Variants in KLF8 observed in about 807,000 individuals in gnomAD.
KLF8 encodes Krueppel-like factor 8.
In KLF8, 10 loss-of-function variants were observed where a neutral mutation model predicts 18.2. The observed-to-expected ratio is 0.55, with a 90% CI of 0.34 to 0.93. The LOEUF is 0.93. Among genes scored for constraint, KLF8 ranks in the 40% least tolerant of loss-of-function variants. KLF8 has a pLI of 0.02. For missense variants in KLF8, 264 were observed against 277.9 expected (o/e 0.95, Z 0.36); for synonymous variants, 109 against 97.3 (o/e 1.12, Z -0.71).
At chrX:56,278,801 T>G (rs1414268052) in intron 5 of KLF8, among the ~76,000 whole-genome samples, 2 of 111,953 alleles carry the variant, frequency 1.8e-5, no homozygotes. Flanking sequence ...CTTTATCTCA[T>G]AGTGGTGAGT....
At chrX:56,073,940 G>A in the KLF8 span, among the ~76,000 whole-genome samples, 1 of 111,300 alleles carries the variant, frequency 9.0e-6, no homozygotes, top group East Asian at 2.8e-4. Context: ...AGAGACGGGG[G>A]TTTCACCATG....
the KLF8 span, among the ~76,000 whole-genome samples, chrX:55,978,911 G>T: frequency 2.7e-5 from 3 of 111,493 alleles, no homozygotes; most frequent in Non-Finnish European, 5.7e-5. Flanking sequence ...AGGCAAAGAG[G>T]GGTATGGCTT....
chrX:56,202,567 C>A, the KLF8 span, among the ~76,000 whole-genome samples: 7 of 95,900 alleles, frequency 7.3e-5, no homozygotes, highest in Non-Finnish European at 1.5e-4. Context: ...CTTCCCCCCC[C>A]CTCCCACCTG....
chrX:56,019,306 C>T, the KLF8 span, among the ~76,000 whole-genome samples: 1 of 112,431 alleles, frequency 8.9e-6, no homozygotes, highest in African/African-American at 3.2e-5. Context: ...TTAAGCCACT[C>T]TTTAGACTTC....
intron 1 of KLF8, among the ~76,000 whole-genome samples, chrX:56,243,625 A>G (rs959613213): frequency 1.1e-5 from 1 of 89,868 alleles, no homozygotes; most frequent in African/African-American, 4.4e-5. Context: ...CAACCTCCCC[A>G]TCTCCTGTGA....
intron 1 of KLF8, among the ~76,000 whole-genome samples, chrX:56,238,526 A>G (rs2066506561): frequency 1.8e-5 from 2 of 111,773 alleles, no homozygotes; most frequent in African/African-American, 6.5e-5. Context: ...TAATCAGAAG[A>G]TACTGAACCA....
chrX:56,038,768 C>G, the KLF8 span, among the ~76,000 whole-genome samples: 1 of 112,583 alleles, frequency 8.9e-6, no homozygotes, highest in Admixed American at 9.4e-5. Flanking sequence ...ATTTCTGCCT[C>G]TAGGTCTTTG....
chrX:55,970,165 A>T, the KLF8 span, among the ~76,000 whole-genome samples: 2 of 111,557 alleles, frequency 1.8e-5, no homozygotes, highest in Non-Finnish European at 3.8e-5. Context: ...ATTGAATTGA[A>T]AATCCTCAAC....
the KLF8 span, among the ~76,000 whole-genome samples, chrX:56,157,517 G>A: frequency 1.8e-5 from 2 of 110,724 alleles, no homozygotes; most frequent in East Asian, 5.6e-4. Flanking sequence ...CAATGTAAAA[G>A]TGTTCCTATT....
chrX:55,970,263 T>C, the KLF8 span, among the ~76,000 whole-genome samples: 3 of 111,121 alleles, frequency 2.7e-5, no homozygotes, highest in Admixed American at 2.9e-4. Flanking sequence ...GTCAAGACTG[T>C]TTTAACATGT....
the KLF8 span, among the ~76,000 whole-genome samples, chrX:56,002,769 T>C: frequency 2.7e-5 from 3 of 112,103 alleles, no homozygotes. Context: ...TTCACTCCCA[T>C]AGCTTTGAAG....
the KLF8 span, among the ~76,000 whole-genome samples, chrX:56,223,935 C>CT: frequency 0.017 from 1,851 of 109,276 alleles, 37 homozygotes; most frequent in African/African-American, 0.059. Context: ...ATTTTTTTGT[C>CT]TTTTTTTTTC....
At chrX:56,084,107 A>T in the KLF8 span, among the ~76,000 whole-genome samples, 1 of 112,192 alleles carries the variant, frequency 8.9e-6, no homozygotes, top group Non-Finnish European at 1.9e-5. Context: ...ATAATTAAGC[A>T]TGGTGGATGA....
chrX:56,249,443 A>G (rs1326395125), intron 1 of KLF8, among the ~76,000 whole-genome samples: 1 of 112,289 alleles, frequency 8.9e-6, no homozygotes, highest in African/African-American at 3.2e-5. Context: ...GGATGGGGAA[A>G]CCTTTAGGCT....
chrX:56,179,870 T>C, the KLF8 span, among the ~76,000 whole-genome samples: 1 of 112,024 alleles, frequency 8.9e-6, no homozygotes, highest in Admixed American at 9.5e-5. Context: ...AGCTTTTTGA[T>C]GTGCTTCTGG....
chrX:55,968,749 G>T, the KLF8 span, among the ~76,000 whole-genome samples: 1 of 111,859 alleles, frequency 8.9e-6, no homozygotes, highest in Non-Finnish European at 1.9e-5. Context: ...TGCCATGATT[G>T]TGAGGCCTCC....
the KLF8 span, among the ~76,000 whole-genome samples, chrX:56,142,602 A>G: frequency 3.6e-5 from 4 of 112,093 alleles, no homozygotes; most frequent in Middle Eastern, 9.1e-3. Context: ...ATTATAACAT[A>G]TATCTAACCA....
At chrX:56,024,470 C>G in the KLF8 span, among the ~76,000 whole-genome samples, 2 of 111,244 alleles carry the variant, frequency 1.8e-5, no homozygotes, top group Non-Finnish European at 3.8e-5. Flanking sequence ...TGCAGCAGGA[C>G]GAGCCACGGA....
chrX:56,137,254 G>A, the KLF8 span, among the ~76,000 whole-genome samples: 1 of 104,746 alleles, frequency 9.5e-6, no homozygotes, highest in Non-Finnish European at 2.0e-5. Flanking sequence ...CCCATTACTG[G>A]GTATATACCC....
Sources: allele counts gnomAD v4.1 joint callset (sites outside exome capture counted in the v4.1 genomes callset), GRCh38; gene constraint gnomAD v4.1.1; transcripts MANE v1.5; gene names NCBI Gene and HGNC (gene_info 2026-07-23, HGNC 2026-07-21).